Variants in KIAA1549L observed in about 807,000 individuals in gnomAD.
KIAA1549L encodes KIAA1549 like, also known as UPF0606 protein KIAA1549L.
KIAA1549L carries 88 observed loss-of-function variants against 160.7 expected under a neutral mutation model. That is an observed-to-expected ratio of 0.55 (90% CI 0.46 to 0.65). The LOEUF is 0.65. KIAA1549L is among the 30% of genes least tolerant of loss of function. The pLI is 0.00. For missense variants in KIAA1549L, 2,258 were observed against 2,437.5 expected, an observed-to-expected ratio of 0.93 and a Z score of 1.55; for synonymous variants, 950 against 976.7, an observed-to-expected ratio of 0.97 and a Z score of 0.51.
chr11:33,550,275 T>A (rs887568127), intron 4 of KIAA1549L, among the ~76,000 whole-genome samples: 2 of 152,014 alleles, frequency 1.3e-5, no homozygotes, highest in African/African-American at 4.8e-5. Context: ...TATGTTACTC[T>A]TTTCTCTGTT....
chr11:33,543,630 G>T lies in KIAA1549L; in HGVS notation c.2067G>T (p.Lys689Asn). The stretch of plus-strand genomic sequence containing the variant: ...CCTTAACAATAGGAGACATGAAAAA[G>T]CCAGCAACCACAGATGTTTTCTGGA... ...YDSLTIGDMK[K>N]PATTDVFWSS... The change falls in exon 2 of 21, where the codon AAG (lysine) becomes AAT (asparagine). Residue 689 changes from lysine to asparagine, a missense_variant. Coordinates refer to ENST00000658780, the MANE Select transcript of KIAA1549L (RefSeq NM_012194.3). 1 of 1,613,874 alleles carries T rather than the reference G, an allele frequency of 6.2e-7. No individual in the cohort carries two copies. Among genetic ancestry groups the T allele is most frequent in the Non-Finnish European group, 8.5e-7 (1 of 1,179,826 alleles).
At chr11:33,416,142 G>C (rs1215718854) in intron 1 of KIAA1549L, among the ~76,000 whole-genome samples, 1 of 152,132 alleles carries the variant, frequency 6.6e-6, no homozygotes, top group Non-Finnish European at 1.5e-5. Context: ...GACCACCCCT[G>C]AGTTACGCGT....
At chr11:33,413,256 A>AT (rs35296412) in intron 1 of KIAA1549L, among the ~76,000 whole-genome samples, 45,759 of 145,036 alleles carry the variant, frequency 0.32, 7,182 homozygotes, top group East Asian at 0.55. Flanking sequence ...TTGAACACAG[A>AT]TTTTTTTTTT....
At chr11:33,482,248 A>T (rs1419421054) in intron 1 of KIAA1549L, among the ~76,000 whole-genome samples, 2 of 152,100 alleles carry the variant, frequency 1.3e-5, no homozygotes, top group Non-Finnish European at 2.9e-5. Flanking sequence ...ATTTTCTAGG[A>T]CTATAACCAC....
chr11:33,394,137 C>G (rs926999761), intron 1 of KIAA1549L, among the ~76,000 whole-genome samples: 7 of 152,178 alleles, frequency 4.6e-5, no homozygotes, highest in Non-Finnish European at 8.8e-5. Context: ...CTTTGAGAGG[C>G]TGAGGCCAGA....
At chr11:33,537,116 A>T (rs1167841026) in intron 1 of KIAA1549L, among the ~76,000 whole-genome samples, 1 of 152,126 alleles carries the variant, frequency 6.6e-6, no homozygotes, top group Non-Finnish European at 1.5e-5. Flanking sequence ...TGTACTCGTG[A>T]TGCCTCTTCC....
intron 1 of KIAA1549L, among the ~76,000 whole-genome samples, chr11:33,387,453 G>A (rs1461757902): frequency 1.3e-5 from 2 of 152,016 alleles, no homozygotes; most frequent in Non-Finnish European, 2.9e-5. Flanking sequence ...CTACAGGCAC[G>A]CACCACTGCA....
intron 6 of KIAA1549L, among the ~76,000 whole-genome samples, chr11:33,558,124 T>TA (rs1479400567): frequency 6.6e-6 from 1 of 152,144 alleles, no homozygotes; most frequent in Non-Finnish European, 1.5e-5. Flanking sequence ...TTAAAGTCTG[T>TA]AAAAAAATTT....
chr11:33,583,411 C>A lies in KIAA1549L; in HGVS notation c.4476C>A (p.Val1492=). 6.4e-7 allele frequency: 1 copy of A among 1,565,262 alleles called. No individual in the cohort carries two copies. Among genetic ancestry groups the A allele is most frequent in the South Asian group, 1.2e-5 (1 of 86,068 alleles). ...AVLAPIAVVT[V]IIIIITAVLC... is the part of the protein sequence containing the mutation. ...TGGCGCCCATTGCCGTGGTCACGGTCATCATCATCATCATCACTGCCGTGC... is the reference window on the plus strand; with the variant it reads ...TGGCGCCCATTGCCGTGGTCACGGTAATCATCATCATCATCACTGCCGTGC... The change falls in exon 11 of 21, where the codon GTC becomes GTA. Residue 1492 remains valine, a synonymous_variant. Transcript: ENST00000658780.
intron 1 of KIAA1549L, among the ~76,000 whole-genome samples, chr11:33,525,731 A>G (rs1183186402): frequency 1.3e-5 from 2 of 151,960 alleles, no homozygotes; most frequent in African/African-American, 4.8e-5. Context: ...GCAAGATTTC[A>G]GCTCTGCTCA....
At chr11:33,570,378 G>A (rs1393774766) in intron 9 of KIAA1549L, among the ~76,000 whole-genome samples, 2 of 152,110 alleles carry the variant, frequency 1.3e-5, no homozygotes, top group East Asian at 3.9e-4. Context: ...GCGGGTGGGG[G>A]TTTATTTCTG....
Position 33,544,177 on chromosome 11 carries a change from T to C in KIAA1549L, c.2614T>C (p.Ser872Pro). Residue 872 changes from serine (S) to proline (P), a missense_variant, in exon 2 of 21, where the codon TCC (serine) becomes CCC (proline). By Grantham distance (74) the Ser-to-Pro change is moderately conservative. Coordinates refer to ENST00000658780, the MANE Select transcript of KIAA1549L (RefSeq NM_012194.3). ...TGGAACAGATACAGGTTCTGAAATT[T>C]CCAGTGACATCAATTCATCACCTGA... Reference protein sequence around the residue: ...SDGTDTGSEISSDINSSPERN... With the variant: ...SDGTDTGSEIPSDINSSPERN... 6.2e-7 allele frequency: 1 copy of C among 1,614,008 alleles called. No homozygotes were observed. The highest frequency in any genetic ancestry group is 8.5e-7 in the Non-Finnish European group (1 of 1,179,890).
intron 1 of KIAA1549L, among the ~76,000 whole-genome samples, chr11:33,435,747 C>G: frequency 1.0e-5 from 1 of 99,482 alleles, no homozygotes; most frequent in Non-Finnish European, 2.0e-5. Context: ...TCCAGAGAAA[C>G]AGAACCAATA....
chr11:33,520,480 G>A (rs150800472), intron 1 of KIAA1549L, among the ~76,000 whole-genome samples: 1 of 151,844 alleles, frequency 6.6e-6, no homozygotes, highest in East Asian at 1.9e-4. Flanking sequence ...AGCTCTATGA[G>A]CTCATGGACC....
At chr11:33,614,186 T>A (rs142295918) in intron 15 of KIAA1549L, among the ~76,000 whole-genome samples, 1 of 152,274 alleles carries the variant, frequency 6.6e-6, no homozygotes, top group East Asian at 1.9e-4. Flanking sequence ...TTCTAGTTTC[T>A]ATATTTGATG....
At chr11:33,511,000 A>G (rs115766829) in intron 1 of KIAA1549L, among the ~76,000 whole-genome samples, 5,289 of 152,320 alleles carry the variant, frequency 0.035, 295 homozygotes, top group African/African-American at 0.12. Context: ...TGTTTCCTCT[A>G]CATTCTTTCC....
intron 6 of KIAA1549L, among the ~76,000 whole-genome samples, chr11:33,556,419 A>G (rs1436795105): frequency 6.6e-6 from 1 of 152,260 alleles, no homozygotes; most frequent in Non-Finnish European, 1.5e-5. Flanking sequence ...TGTGTCCATT[A>G]ATGAATGAGT....
intron 1 of KIAA1549L, among the ~76,000 whole-genome samples, chr11:33,478,940 A>G (rs895602617): frequency 3.9e-5 from 6 of 152,122 alleles, no homozygotes; most frequent in Non-Finnish European, 7.4e-5. Flanking sequence ...CACAGGTGCT[A>G]TTATTATCCT....
In KIAA1549L at chr11:33,673,358, A is replaced by G. The variant is rs955852779; in HGVS notation, c.*5204A>G. On this transcript the variant is annotated 3_prime_UTR_variant, in exon 21 of 21. Coordinates refer to ENST00000658780, the MANE Select transcript of KIAA1549L (RefSeq NM_012194.3). ...GCCATCAACATATTTTACATAAATT[A>G]CTGTGGCCCCATCTTATTTCTCCTC... 3.9e-5 allele frequency: 6 copies of G among 152,194 alleles called. No homozygotes were observed. The East Asian group carries it at 1.2e-3, about 29-fold the overall frequency. 9.4% of individuals were successfully genotyped at this position (152,194 alleles called of 1,614,324 possible). A position where few individuals can be genotyped will look rare whatever the true frequency, so the allele number is the denominator to read the frequency against.
Sources: allele counts gnomAD v4.1 joint callset (sites outside exome capture counted in the v4.1 genomes callset), GRCh38; gene constraint gnomAD v4.1.1; transcripts MANE v1.5; gene names NCBI Gene and HGNC (gene_info 2026-07-23, HGNC 2026-07-21).